RAD51AP1: variants seen among roughly 807,000 people sequenced by gnomAD.
RAD51AP1 encodes the protein RAD51 associated protein 1.
Under a neutral mutation model 34.3 loss-of-function variants are expected in RAD51AP1, and 14 were observed. The observed-to-expected ratio is 0.41, with a 90% CI of 0.27 to 0.64. The LOEUF (loss-of-function observed/expected upper bound fraction) is 0.64, where lower values mean the gene tolerates loss of function less well. Among genes scored for constraint, RAD51AP1 ranks in the 30% least tolerant of loss-of-function variants. The probability of loss-of-function intolerance (pLI) is 0.33; values close to 1 mark genes in which losing one functional copy is unlikely to be tolerated. For synonymous variants in RAD51AP1, 114 were observed against 129.8 expected, an observed-to-expected ratio of 0.88 and a Z score of 0.83; for missense variants, 348 against 386.9, an observed-to-expected ratio of 0.90 and a Z score of 0.84.
intron 8 of RAD51AP1, among the ~76,000 whole-genome samples, chr12:4,558,333 A>G (rs1389809353): frequency 6.6e-6 from 1 of 152,134 alleles, no homozygotes. Context: ...GCGAGCAACT[A>G]CAGTCACCAT....
At chr12:4,555,973 G>A (rs1405825971) in intron 7 of RAD51AP1, among the ~76,000 whole-genome samples, 1 of 152,170 alleles carries the variant, frequency 6.6e-6, no homozygotes, top group South Asian at 2.1e-4. Flanking sequence ...ACATACTCAC[G>A]AGACACTATT....
In RAD51AP1 at chr12:4,548,328, T is replaced by G. The variant is rs552338750; in HGVS notation, c.406+150T>G. 49 of 1,194,624 alleles carry G rather than the reference T, an allele frequency of 4.1e-5. 1 individual carries two copies. The East Asian group carries it at 1.1e-3, about 26-fold the overall frequency. The allele number at this position is 1,194,624 out of a possible 1,614,324, so 74.0% of individuals were successfully genotyped here. On this transcript the variant is annotated intron_variant, in intron 5 of 8. Coordinates refer to ENST00000352618, the MANE Select transcript of RAD51AP1 (RefSeq NM_006479.5). ...GCCTTTATTTCTTTGTGTTTTAGTC[T>G]CATTCTGTCGTACTGCAGACACACA...
At chr12:4,543,339 G>A (rs1944482634) in intron 2 of RAD51AP1, among the ~76,000 whole-genome samples, 1 of 152,216 alleles carries the variant, frequency 6.6e-6, no homozygotes, top group African/African-American at 2.4e-5. Flanking sequence ...GGGATTACAA[G>A]TGTGAGCCAC....
At chr12:4,545,744 G>A (rs1303435793) in intron 3 of RAD51AP1, 6 of 1,608,996 alleles carry the variant, frequency 3.7e-6, no homozygotes, top group Non-Finnish European at 5.1e-6. Context: ...ATAATTATTA[G>A]CATGTCTTGT....
rs768706534 is a variant in RAD51AP1 at position 4,548,783 on chromosome 12, T to C, written c.503T>C (p.Leu168Pro). The change falls in exon 6 of 9, where the codon CTG becomes CCG. Residue 168 changes from leucine (L) to proline (P), a missense_variant. Physicochemically the swap from Leu to Pro is moderately conservative, Grantham distance 98. Coordinates refer to ENST00000352618, the MANE Select transcript of RAD51AP1 (RefSeq NM_006479.5). ...KAAAQQRKIL[L>P]EGSDGDSAND... ...GCAGCACAGCAGAGGAAGATTCTTC[T>C]GGAAGGCAGTGATGGTGATAGTGCT... The C allele has an allele frequency of 5.6e-6, 9 of 1,614,036 alleles. No individual in the cohort carries two copies. The highest frequency in any genetic ancestry group is 1.7e-5 in the Admixed American group (1 of 59,996).
chr12:4,556,282 T>C (rs1184806492), intron 7 of RAD51AP1, 71 bp from the exon 8 acceptor site: 1 of 1,122,482 alleles, frequency 8.9e-7, no homozygotes, highest in African/African-American at 1.6e-5. Context: ...TTTATAATTT[T>C]TACACATATA....
At position 4,543,002 on chromosome 12, in the gene RAD51AP1, C is replaced by T. The variant is rs12302172; in HGVS notation, c.68-761C>T. On this transcript the variant is annotated intron_variant, in intron 2 of 8. Transcript: ENST00000352618. ...CCTCAAATAGGAGCTACTTTCTCTT[C>T]CCCCCATAATGCTTATTTCCTCTAG... Among the ~76,000 whole-genome samples the T allele has an allele frequency of 2.8e-4, 42 of 152,246 alleles. No homozygotes were observed. The East Asian group carries it at 7.9e-3, about 29-fold the overall frequency.
Position 4,551,975 on chromosome 12 carries a change from A to T in RAD51AP1, c.557-1008A>T, listed in dbSNP as rs926288894. ...ATTTTACATATAATATTTCTTATAG[A>T]TAGGTAGATATTAGTATGTGGGGAC... On this transcript the variant is annotated intron_variant, in intron 6 of 8. Transcript: ENST00000352618. Among the ~76,000 whole-genome samples, 3 of 152,156 alleles carry T rather than the reference A, an allele frequency of 2.0e-5. No homozygotes were observed. In the South Asian group the frequency reaches 6.2e-4, roughly 32 times the overall value.
chr12:4,557,734 T>G (rs941101431), intron 8 of RAD51AP1, among the ~76,000 whole-genome samples: 1 of 152,158 alleles, frequency 6.6e-6, no homozygotes, highest in Non-Finnish European at 1.5e-5. Flanking sequence ...CAAGTCAGCA[T>G]GTGACAGTCA....
chr12:4,553,691 A>G (rs1944562978), intron 7 of RAD51AP1, among the ~76,000 whole-genome samples: 1 of 150,636 alleles, frequency 6.6e-6, no homozygotes. Flanking sequence ...TACTTTTATG[A>G]TAAAACGTTT....
At chr12:4,553,638 CT>C (rs71984552) in intron 7 of RAD51AP1, among the ~76,000 whole-genome samples, 36,432 of 143,592 alleles carry the variant, frequency 0.25, 4,861 homozygotes, top group African/African-American at 0.37. Flanking sequence ...GTTTAGGGCC[CT>C]TTTTTTTTTT....
rs756962836 is a variant in RAD51AP1 at position 4,543,747 on chromosome 12, A to T, written c.68-16A>T. 6.6e-7 allele frequency: 1 copy of T among 1,520,396 alleles called. No homozygotes were observed. Among genetic ancestry groups the T allele is most frequent in the Non-Finnish European group, 8.8e-7 (1 of 1,132,964 alleles). 94.2% of individuals were successfully genotyped at this position (1,520,396 alleles called of 1,614,324 possible). A position where few individuals can be genotyped will look rare whatever the true frequency, so the allele number is the denominator to read the frequency against. On this transcript the variant is annotated splice_polypyrimidine_tract_variant and intron_variant, in intron 2 of 8. Coordinates refer to ENST00000352618, the MANE Select transcript of RAD51AP1 (RefSeq NM_006479.5). The stretch of plus-strand genomic sequence containing the variant: ...AAATAATATTTTTCTTTTGGTTTTA[A>T]TTCACACATGAATAGATGATTTTGT...
At chr12:4,548,600 A>G in intron 5 of RAD51AP1, 87 bp from the exon 6 acceptor site, 3 of 1,438,588 alleles carry the variant, frequency 2.1e-6, no homozygotes, top group Non-Finnish European at 9.5e-7. Flanking sequence ...AAATAAAAAC[A>G]ATAGCTGTAA....
intron 7 of RAD51AP1, 81 bp from the exon 8 acceptor site, chr12:4,556,272 T>G (rs1177110994): frequency 9.5e-7 from 1 of 1,047,886 alleles, no homozygotes; most frequent in Admixed American, 2.3e-5. Context: ...ATTATGTAAC[T>G]TTATAATTTT....
At chr12:4,554,047 GT>G (rs11435226) in intron 7 of RAD51AP1, among the ~76,000 whole-genome samples, 16,898 of 149,494 alleles carry the variant, frequency 0.11, 1,017 homozygotes, top group African/African-American at 0.14. Flanking sequence ...TAATTAGAGT[GT>G]TTTTTTTTTA....
chr12:4,548,089 T>G lies in RAD51AP1; in HGVS notation c.320-3T>G. On this transcript the variant is annotated splice_polypyrimidine_tract_variant and splice_region_variant and intron_variant, in intron 4 of 8. Transcript: ENST00000352618. The stretch of plus-strand genomic sequence containing the variant: ...AATTTTCTTTCTTATTCCTTATATT[T>G]AGGCATTGAAAAACATGGCAGTAGT... 6.3e-7 allele frequency: 1 copy of G among 1,588,812 alleles called. No homozygotes were observed. The highest frequency in any genetic ancestry group is 8.5e-7 in the Non-Finnish European group (1 of 1,171,096).
In RAD51AP1 at chr12:4,559,070, T is replaced by C. The variant is rs191128595; in HGVS notation, c.*77T>C. 1 of 1,523,560 alleles carries C rather than the reference T, an allele frequency of 6.6e-7. No individual in the cohort carries two copies. Among genetic ancestry groups the C allele is most frequent in the African/African-American group, 1.4e-5 (1 of 72,974 alleles). The allele number at this position is 1,523,560 out of a possible 1,614,324, so 94.4% of individuals were successfully genotyped here. A position where few individuals can be genotyped will look rare whatever the true frequency, so the allele number is the denominator to read the frequency against. ...GTTTATATTTGATTTGTGTTTATAT[T>C]TGAGGCAGGTATTGTAATATAAAGG... is the stretch of plus-strand genomic sequence containing the variant. On this transcript the variant is annotated 3_prime_UTR_variant, in exon 9 of 9. Transcript: ENST00000352618.
At chr12:4,557,910 GC>G (rs1944593722) in intron 8 of RAD51AP1, among the ~76,000 whole-genome samples, 1 of 152,090 alleles carries the variant, frequency 6.6e-6, no homozygotes, top group East Asian at 1.9e-4. Context: ...AGATCTGATT[GC>G]TGTTTTCAAG....
chr12:4,545,280 C>T (rs1373064618), intron 3 of RAD51AP1: 1 of 429,624 alleles, frequency 2.3e-6, no homozygotes, highest in East Asian at 7.1e-5. Flanking sequence ...ACCTTGGAAA[C>T]ATCATTCTGA....
Sources: allele counts gnomAD v4.1 joint callset (sites outside exome capture counted in the v4.1 genomes callset), GRCh38; gene constraint gnomAD v4.1.1; transcripts MANE v1.5; gene names NCBI Gene and HGNC (gene_info 2026-07-23, HGNC 2026-07-21).